KATNBL1: variants seen among roughly 807,000 people sequenced by gnomAD.
KATNBL1 encodes the protein katanin regulatory subunit B1 like 1.
KATNBL1 carries 28 observed loss-of-function variants against 44.7 expected under a neutral mutation model. That is an observed-to-expected ratio of 0.63 (90% confidence interval 0.46 to 0.86). KATNBL1 has a LOEUF of 0.86. Among genes scored for constraint, KATNBL1 ranks in the 40% least tolerant of loss-of-function variants. KATNBL1 has a pLI of 0.00. For missense variants in KATNBL1, 272 were observed against 350.7 expected, an observed-to-expected ratio of 0.78 and a Z score of 1.79; for synonymous variants, 78 against 114.9, an observed-to-expected ratio of 0.68 and a Z score of 2.06.
intron 1 of KATNBL1, among the ~76,000 whole-genome samples, chr15:34,193,238 A>AAAAAAAAAAAAC (rs1889937843): frequency 7.2e-6 from 1 of 139,492 alleles, no homozygotes; most frequent in Non-Finnish European, 1.6e-5. Context: ...AAAAAAAACA[A>AAAAAAAAAAAAC]AAAAAAAACT....
At chr15:34,150,174 T>C (rs1382287386) in intron 4 of KATNBL1, among the ~76,000 whole-genome samples, 2 of 152,214 alleles carry the variant, frequency 1.3e-5, no homozygotes, top group East Asian at 3.8e-4. Flanking sequence ...ATTAAACCTA[T>C]TAGTTAAATG....
chr15:34,205,356 A>G (rs1485100656), intron 1 of KATNBL1, among the ~76,000 whole-genome samples: 1 of 152,192 alleles, frequency 6.6e-6, no homozygotes, highest in Non-Finnish European at 1.5e-5. Flanking sequence ...TTTAATCAAT[A>G]TATATAATTC....
chr15:34,149,818 G>A (rs1333854923), intron 4 of KATNBL1, among the ~76,000 whole-genome samples: 1 of 152,208 alleles, frequency 6.6e-6, no homozygotes, highest in Non-Finnish European at 1.5e-5. Context: ...AGAACCACTT[G>A]AGCTCAGGAG....
In KATNBL1 at chr15:34,154,751, C is replaced by T; in HGVS notation, c.118-67G>A. 3.7e-6 allele frequency: 4 copies of T among 1,089,594 alleles called. No homozygotes were observed. The South Asian group carries it at 5.1e-5, about 14-fold the overall frequency. 67.5% of individuals were successfully genotyped at this position (1,089,594 alleles called of 1,614,324 possible). A position where few individuals can be genotyped will look rare whatever the true frequency, so the allele number is the denominator to read the frequency against. ...TTGGTGCCGCAAAGAAGAATCAGCACTCCGGCAAAAAGCTTTCTCAGCAAG... is the reference window on the plus strand; with the variant it reads ...TTGGTGCCGCAAAGAAGAATCAGCATTCCGGCAAAAAGCTTTCTCAGCAAG... On this transcript the variant is annotated intron_variant, in intron 2 of 9. Coordinates refer to ENST00000256544, the MANE Select transcript of KATNBL1 (RefSeq NM_024713.3).
chr15:34,169,456 C>A (rs547643800), intron 1 of KATNBL1, among the ~76,000 whole-genome samples: 1 of 152,078 alleles, frequency 6.6e-6, no homozygotes, highest in Non-Finnish European at 1.5e-5. Flanking sequence ...TAATAGCCTA[C>A]CAACCAAAAA....
chr15:34,191,154 CATAT>C (rs57428240), intron 1 of KATNBL1, among the ~76,000 whole-genome samples: 7,779 of 135,842 alleles, frequency 0.057, 285 homozygotes, highest in South Asian at 0.087. Flanking sequence ...AATCATAGAC[CATAT>C]ATATATATAT....
At chr15:34,200,162 T>C (rs1006081203) in intron 1 of KATNBL1, among the ~76,000 whole-genome samples, 5 of 152,062 alleles carry the variant, frequency 3.3e-5, no homozygotes, top group Admixed American at 6.5e-5. Context: ...CCCAGCTGGC[T>C]TCACCTCTCA....
intron 2 of KATNBL1, among the ~76,000 whole-genome samples, chr15:34,161,577 G>A (rs527852279): frequency 2.6e-5 from 4 of 152,340 alleles, no homozygotes; most frequent in Non-Finnish European, 5.9e-5. Context: ...CTGGACAAGG[G>A]GGAGGAAGGA....
rs1384756001 is a variant in KATNBL1 at position 34,141,471 on chromosome 15, T to C, written c.*868A>G. The C allele has an allele frequency of 2.0e-5, 3 of 152,588 alleles. No individual in the cohort carries two copies. The highest frequency in any genetic ancestry group is 4.4e-5 in the Non-Finnish European group (3 of 67,992). The allele number at this position is 152,588 out of a possible 1,614,324, so 9.5% of individuals were successfully genotyped here. A position where few individuals can be genotyped will look rare whatever the true frequency, so the allele number is the denominator to read the frequency against. Reference sequence around the variant, plus strand: ...AGGAATGAAAAATATTAGAAATCTATGTACAATAAAAAGTAAATATAAATT... The same window carrying C: ...AGGAATGAAAAATATTAGAAATCTACGTACAATAAAAAGTAAATATAAATT... On this transcript the variant is annotated 3_prime_UTR_variant, in exon 10 of 10. Coordinates refer to ENST00000256544, the MANE Select transcript of KATNBL1 (RefSeq NM_024713.3).
chr15:34,191,142 T>C (rs1889859217), intron 1 of KATNBL1, among the ~76,000 whole-genome samples: 1 of 131,866 alleles, frequency 7.6e-6, no homozygotes, highest in African/African-American at 2.8e-5. Flanking sequence ...AAATTTCATA[T>C]AAATCATAGA....
chr15:34,182,410 G>C (rs1164811171), intron 1 of KATNBL1, among the ~76,000 whole-genome samples: 1 of 152,128 alleles, frequency 6.6e-6, no homozygotes, highest in Non-Finnish European at 1.5e-5. Flanking sequence ...AGGCAAATTT[G>C]ACAGCATTGT....
chr15:34,178,530 G>A (rs1165096309), intron 1 of KATNBL1, among the ~76,000 whole-genome samples: 2 of 152,084 alleles, frequency 1.3e-5, no homozygotes, highest in East Asian at 1.9e-4. Flanking sequence ...GGCCAAGGAG[G>A]GCAGATCACG....
chr15:34,165,317 AT>A (rs112152461), intron 1 of KATNBL1, among the ~76,000 whole-genome samples: 25 of 150,880 alleles, frequency 1.7e-4, no homozygotes, highest in African/African-American at 3.9e-4. Context: ...ACAATGTGAG[AT>A]TTTTTTTTTC....
At chr15:34,185,557 C>A (rs1475488743) in intron 1 of KATNBL1, among the ~76,000 whole-genome samples, 2 of 152,128 alleles carry the variant, frequency 1.3e-5, no homozygotes, top group Non-Finnish European at 2.9e-5. Context: ...AGATATATAA[C>A]CTCCAGTGAA....
chr15:34,154,053 A>G (rs1888562448), intron 3 of KATNBL1, among the ~76,000 whole-genome samples: 1 of 152,212 alleles, frequency 6.6e-6, no homozygotes, highest in Non-Finnish European at 1.5e-5. Flanking sequence ...ACATTTTTAT[A>G]TATCTCTAAT....
intron 1 of KATNBL1, among the ~76,000 whole-genome samples, chr15:34,205,291 G>C (rs993459974): frequency 2.6e-5 from 4 of 152,166 alleles, no homozygotes; most frequent in East Asian, 1.9e-4. Flanking sequence ...TGTGCCTGAA[G>C]AGTGCCAGTT....
chr15:34,161,371 G>T (rs1402894892), intron 2 of KATNBL1, among the ~76,000 whole-genome samples: 1 of 152,182 alleles, frequency 6.6e-6, no homozygotes, highest in African/African-American at 2.4e-5. Context: ...GCTGCAGGGC[G>T]TGCCTCCTCA....
intron 1 of KATNBL1, among the ~76,000 whole-genome samples, chr15:34,204,023 A>C (rs1272548137): frequency 9.5e-5 from 1 of 10,516 alleles, no homozygotes; most frequent in Admixed American, 1.6e-3. Flanking sequence ...GAACTTAATT[A>C]AAAAAAAAAA....
chr15:34,147,789 A>G (rs1888355066), intron 5 of KATNBL1, among the ~76,000 whole-genome samples: 1 of 152,182 alleles, frequency 6.6e-6, no homozygotes, highest in African/African-American at 2.4e-5. Flanking sequence ...TCCCTAAGGT[A>G]ACATCTGAGA....
Sources: allele counts gnomAD v4.1 joint callset (sites outside exome capture counted in the v4.1 genomes callset), GRCh38; gene constraint gnomAD v4.1.1; transcripts MANE v1.5; gene names NCBI Gene and HGNC (gene_info 2026-07-23, HGNC 2026-07-21).